ARL8B: variants seen among roughly 807,000 people sequenced by gnomAD.
ARL8B encodes ARF like GTPase 8B.
A neutral mutation model predicts 30.6 loss-of-function variants in ARL8B; 9 were observed. That is an observed-to-expected ratio of 0.29 (90% CI 0.18 to 0.51). The LOEUF is 0.51. Among genes scored for constraint, ARL8B ranks in the 20% least tolerant of loss-of-function variants. The pLI, the probability that ARL8B is intolerant of heterozygous loss-of-function variation, is 0.97. For missense variants in ARL8B, 130 were observed against 227.2 expected, an observed-to-expected ratio of 0.57 and a Z score of 2.75; for synonymous variants, 74 against 76.0, an observed-to-expected ratio of 0.97 and a Z score of 0.14.
intron 6 of ARL8B, among the ~76,000 whole-genome samples, chr3:5,176,271 C>T (rs142025230): frequency 2.4e-4 from 36 of 152,246 alleles, no homozygotes; most frequent in African/African-American, 7.9e-4. Flanking sequence ...CACTCTGTCG[C>T]CGTGGCTGGA....
chr3:5,133,039 A>G (rs764278346), intron 1 of ARL8B, among the ~76,000 whole-genome samples: 1 of 152,208 alleles, frequency 6.6e-6, no homozygotes, highest in Non-Finnish European at 1.5e-5. Context: ...GGCAGCATAA[A>G]TATAATGGGG....
intron 1 of ARL8B, among the ~76,000 whole-genome samples, chr3:5,131,443 T>C (rs1043916686): frequency 6.6e-6 from 1 of 151,570 alleles, no homozygotes; most frequent in Non-Finnish European, 1.5e-5. Flanking sequence ...CAGGCTGGAG[T>C]GCAGTGGCGC....
chr3:5,178,350 CTTTT>C (rs376669879), intron 6 of ARL8B, among the ~76,000 whole-genome samples: 6 of 115,302 alleles, frequency 5.2e-5, no homozygotes, highest in Admixed American at 9.0e-5. Context: ...GGGGTTATTC[CTTTT>C]TTTTTTTTTT....
At chr3:5,166,630 G>A (rs901215057) in intron 1 of ARL8B, among the ~76,000 whole-genome samples, 8 of 152,272 alleles carry the variant, frequency 5.3e-5, no homozygotes, top group South Asian at 2.1e-4. Context: ...GAGCCACCGC[G>A]CCCAGCTGTC....
Position 5,166,607 on chromosome 3 carries a change from G to A in ARL8B, c.124-3896G>A, listed in dbSNP as rs571476698. ...CCTGCCTTGGCCTCCCAAAGTGCTG[G>A]GATTACAGGTGTGAGCCACCGCGCC... is the stretch of plus-strand genomic sequence containing the variant. On this transcript the variant is annotated intron_variant, in intron 1 of 6. Coordinates refer to ENST00000256496, the MANE Select transcript of ARL8B (RefSeq NM_018184.3). 1.1e-4 allele frequency among the ~76,000 whole-genome samples: 16 copies of A among 152,236 alleles called. 1 individual carries two copies. In the South Asian group the frequency reaches 1.2e-3, roughly 12 times the overall value.
At chr3:5,143,042 A>G (rs1223229145) in intron 1 of ARL8B, among the ~76,000 whole-genome samples, 2 of 152,228 alleles carry the variant, frequency 1.3e-5, no homozygotes, top group African/African-American at 2.4e-5. Flanking sequence ...TGGTAATGCC[A>G]TACTGTAATC....
intron 1 of ARL8B, among the ~76,000 whole-genome samples, chr3:5,135,347 C>T (rs551166218): frequency 6.6e-4 from 81 of 122,078 alleles, no homozygotes; most frequent in African/African-American, 2.3e-3. Flanking sequence ...GGAGTGCAGT[C>T]TTGGCTCACT....
intron 1 of ARL8B, among the ~76,000 whole-genome samples, chr3:5,162,891 T>C (rs2054593975): frequency 6.6e-6 from 1 of 152,130 alleles, no homozygotes; most frequent in South Asian, 2.1e-4. Context: ...ACCCAATAGA[T>C]AGTTTTTCAG....
chr3:5,173,459 G>A (rs1417469675), intron 4 of ARL8B, among the ~76,000 whole-genome samples: 2 of 152,122 alleles, frequency 1.3e-5, no homozygotes, highest in East Asian at 3.9e-4. Flanking sequence ...GAATGCCGCC[G>A]GGCGCGGTGG....
At chr3:5,158,924 T>G (rs926793503) in intron 1 of ARL8B, among the ~76,000 whole-genome samples, 9 of 152,208 alleles carry the variant, frequency 5.9e-5, no homozygotes, top group South Asian at 4.1e-4. Flanking sequence ...TTGTAGTATA[T>G]GCTGAAGTCT....
chr3:5,170,693 A>G (rs1052020639), intron 2 of ARL8B, 110 bp downstream of exon 2: 5 of 691,078 alleles, frequency 7.2e-6, no homozygotes, highest in African/African-American at 1.9e-5. Flanking sequence ...TCAGTAATGA[A>G]TGTGCATGTT....
chr3:5,136,819 G>A (rs1273500484), intron 1 of ARL8B, among the ~76,000 whole-genome samples: 2 of 152,044 alleles, frequency 1.3e-5, no homozygotes, highest in Admixed American at 6.6e-5. Context: ...GCTTGTTTTT[G>A]TCCGCTGGTA....
chr3:5,175,261 A>T (rs545136600), intron 6 of ARL8B, among the ~76,000 whole-genome samples: 2 of 152,256 alleles, frequency 1.3e-5, no homozygotes, highest in African/African-American at 4.8e-5. Flanking sequence ...GTTTCCAAGA[A>T]CCTATCAGTG....
chr3:5,167,908 A>C (rs564780630), intron 1 of ARL8B, among the ~76,000 whole-genome samples: 2 of 152,348 alleles, frequency 1.3e-5, no homozygotes, highest in Admixed American at 1.3e-4. Context: ...GTTGTTCAAC[A>C]CAAGCTTTGA....
At chr3:5,131,171 C>G (rs1575558789) in intron 1 of ARL8B, among the ~76,000 whole-genome samples, 1 of 152,218 alleles carries the variant, frequency 6.6e-6, no homozygotes, top group Middle Eastern at 3.4e-3. Flanking sequence ...TCCCAAAGTA[C>G]TGGGATTACA....
At chr3:5,145,217 GCT>G (rs978009770) in intron 1 of ARL8B, among the ~76,000 whole-genome samples, 1 of 152,110 alleles carries the variant, frequency 6.6e-6, no homozygotes, top group Non-Finnish European at 1.5e-5. Context: ...TGGTCTGATG[GCT>G]CTTTGTTCTC....
At chr3:5,174,223 T>TTTTTTC in intron 5 of ARL8B, 121 bp from the exon 6 acceptor site, 3 of 1,076,634 alleles carry the variant, frequency 2.8e-6, no homozygotes, top group Non-Finnish European at 4.2e-6. Flanking sequence ...AATCCTAACA[T>TTTTTTC]TTTAGGATTG....
At chr3:5,128,162 CAAAAAAAAAAA>C (rs35084667) in intron 1 of ARL8B, among the ~76,000 whole-genome samples, 2 of 53,178 alleles carry the variant, frequency 3.8e-5, no homozygotes, top group African/African-American at 1.2e-4. Flanking sequence ...AAATCCGTCT[CAAAAAAAAAAA>C]AAAAAAAAAA....
At chr3:5,174,964 G>A (rs895665554) in intron 6 of ARL8B, among the ~76,000 whole-genome samples, 1 of 151,346 alleles carries the variant, frequency 6.6e-6, no homozygotes, top group Non-Finnish European at 1.5e-5. Flanking sequence ...CACCACGCCC[G>A]GCTAATTTTT....
Sources: gnomAD v4.1 joint callset for allele counts (sites outside exome capture counted in the v4.1 genomes callset) on GRCh38, gnomAD v4.1.1 for gene constraint, MANE v1.5 for transcripts, NCBI Gene and HGNC (gene_info 2026-07-23, HGNC 2026-07-21) for gene names.